The following SH2D4A variants were observed in gnomAD, a reference collection of about 807,000 sequenced individuals.
SH2D4A encodes SH2 domain-containing protein 4A.
A neutral mutation model predicts 64.7 loss-of-function variants in SH2D4A; 70 were observed. The ratio of observed to expected loss-of-function variants is 1.08; its 90% confidence interval spans 0.89 to 1.32. The LOEUF is 1.32. Ranked by LOEUF, SH2D4A falls within the 40% of genes most tolerant of loss-of-function variation. The pLI, the probability that SH2D4A is intolerant of heterozygous loss-of-function variation, is 0.00. For synonymous variants in SH2D4A, 268 were observed against 200.7 expected (o/e 1.34, Z -2.83); for missense variants, 706 against 540.1 (o/e 1.31, Z -3.04).
intron 7 of SH2D4A, among the ~76,000 whole-genome samples, chr8:19,365,824 CTG>C (rs1057429944): frequency 6.6e-6 from 1 of 152,114 alleles, no homozygotes; most frequent in Non-Finnish European, 1.5e-5. Context: ...CCTACAGTGT[CTG>C]TGGAGTTTTG....
At chr8:19,333,136 CAG>C (rs1344401441) in intron 3 of SH2D4A, 22 bp downstream of exon 3, 3 of 1,597,886 alleles carry the variant, frequency 1.9e-6, no homozygotes, top group Non-Finnish European at 2.6e-6. Flanking sequence ...GCAAACCAAC[CAG>C]AGACTTAAAG....
chr8:19,341,898 A>C (rs1298309932), intron 4 of SH2D4A, among the ~76,000 whole-genome samples: 1 of 152,128 alleles, frequency 6.6e-6, no homozygotes, highest in Admixed American at 6.6e-5. Flanking sequence ...TTTCTAAAAA[A>C]ATACTCCAGA....
At chr8:19,365,653 A>C (rs932144629) in intron 7 of SH2D4A, among the ~76,000 whole-genome samples, 1 of 152,154 alleles carries the variant, frequency 6.6e-6, no homozygotes, top group Non-Finnish European at 1.5e-5. Context: ...AAAAAAGGGC[A>C]ATTCCTATTT....
chr8:19,376,583 T>C (rs1563208627), intron 8 of SH2D4A, among the ~76,000 whole-genome samples: 3 of 152,024 alleles, frequency 2.0e-5, no homozygotes, highest in Admixed American at 1.3e-4. Flanking sequence ...GATTGTGCCA[T>C]TGCACTCCAG....
At chr8:19,379,700 T>C (rs1036194888) in intron 8 of SH2D4A, among the ~76,000 whole-genome samples, 1 of 152,170 alleles carries the variant, frequency 6.6e-6, no homozygotes, top group Non-Finnish European at 1.5e-5. Context: ...AATTTCAGCT[T>C]CTCCACATCC....
At chr8:19,347,472 A>G (rs1226206401) in intron 4 of SH2D4A, among the ~76,000 whole-genome samples, 1 of 152,178 alleles carries the variant, frequency 6.6e-6, no homozygotes, top group Non-Finnish European at 1.5e-5. Flanking sequence ...GTCCCCACTC[A>G]GAGTTGTTCT....
intron 6 of SH2D4A, among the ~76,000 whole-genome samples, chr8:19,362,743 A>T (rs749430508): frequency 9.9e-5 from 15 of 152,160 alleles, no homozygotes; most frequent in Non-Finnish European, 1.8e-4. Flanking sequence ...GAGTCTCAAA[A>T]ACAAAACAAA....
chr8:19,328,822 G>A (rs1030613603), intron 2 of SH2D4A, among the ~76,000 whole-genome samples: 1 of 152,214 alleles, frequency 6.6e-6, no homozygotes, highest in African/African-American at 2.4e-5. Flanking sequence ...TCTTACCTCT[G>A]TTTACTATAG....
At chr8:19,377,622 C>A (rs1457471925) in intron 8 of SH2D4A, among the ~76,000 whole-genome samples, 1 of 152,124 alleles carries the variant, frequency 6.6e-6, no homozygotes, top group East Asian at 1.9e-4. Context: ...CTTGCTTATA[C>A]ACATAGACAG....
intron 2 of SH2D4A, among the ~76,000 whole-genome samples, chr8:19,321,426 C>T (rs2052189022): frequency 6.6e-6 from 1 of 152,164 alleles, no homozygotes; most frequent in Non-Finnish European, 1.5e-5. Flanking sequence ...GTTGGCCAGG[C>T]TGGTCTTGAA....
chr8:19,394,612 G>A lies in SH2D4A; in HGVS notation c.1335G>A (p.Gln445=), dbSNP rs1041881498. 6.2e-7 allele frequency: 1 copy of A among 1,610,980 alleles called. No homozygotes were observed. The highest frequency in any genetic ancestry group is 8.5e-7 in the Non-Finnish European group (1 of 1,178,180). ...LLLYPCGQQD[Q]LPDYLELFE ...TCTATCCCTGTGGTCAGCAGGACCA[G>A]CTGCCTGACTACCTGGAGCTGTTTG... The change falls in exon 10 of 10, where the codon CAG becomes CAA. Residue 445 remains glutamine (Q), a synonymous_variant. Coordinates refer to ENST00000265807, the MANE Select transcript of SH2D4A (RefSeq NM_022071.4).
chr8:19,364,431 T>C lies in SH2D4A; in HGVS notation c.917+149T>C, dbSNP rs1012494023. On this transcript the variant is annotated intron_variant, in intron 7 of 9. Transcript: ENST00000265807. ...AGTAGCTCAGGTTCATGTCTAAGCC[T>C]TCTTCCTGGGTGATCTGGGCGGGCA... 7 of 833,724 alleles carry C rather than the reference T, an allele frequency of 8.4e-6. No individual in the cohort carries two copies. The Admixed American group carries it at 1.3e-4, about 16-fold the overall frequency. The allele number at this position is 833,724 out of a possible 1,614,324, so 51.6% of individuals were successfully genotyped here.
chr8:19,368,899 T>C (rs797017559), intron 7 of SH2D4A, among the ~76,000 whole-genome samples: 4 of 152,282 alleles, frequency 2.6e-5, no homozygotes, highest in African/African-American at 9.6e-5. Context: ...GTGGACATTC[T>C]TGTTTTGTTC....
At chr8:19,375,207 A>G (rs1303820409) in intron 8 of SH2D4A, 21 of 151,918 alleles carry the variant, frequency 1.4e-4, no homozygotes, top group Admixed American at 1.4e-3. Context: ...GCAAAATAAA[A>G]CTGTATAATT....
Position 19,364,158 on chromosome 8 carries a change from C to G in SH2D4A, c.793C>G (p.Gln265Glu). The G allele has an allele frequency of 6.2e-7, 1 of 1,614,056 alleles. No homozygotes were observed. The highest frequency in any genetic ancestry group is 1.3e-5 in the African/African-American group (1 of 75,040). ...EDYKRLSLGAQKGRGGERLQS... is the reference protein window; with the variant it reads ...EDYKRLSLGAEKGRGGERLQS... Reference sequence around the variant, plus strand: ...CTACAAGAGGTTATCCCTCGGGGCCCAGAAAGGAAGAGGCGGTGAGAGGCT... The same window carrying G: ...CTACAAGAGGTTATCCCTCGGGGCCGAGAAAGGAAGAGGCGGTGAGAGGCT... The change falls in exon 7 of 10, where the codon CAG becomes GAG. Residue 265 changes from glutamine (Q) to glutamate (E), a missense_variant. Gln to Glu is a conservative substitution (Grantham distance 29). Coordinates refer to ENST00000265807, the MANE Select transcript of SH2D4A (RefSeq NM_022071.4).
chr8:19,384,214 A>C (rs1053676363), intron 8 of SH2D4A, among the ~76,000 whole-genome samples: 3 of 152,186 alleles, frequency 2.0e-5, no homozygotes, highest in African/African-American at 7.2e-5. Flanking sequence ...AGTAATTTGG[A>C]AGGACAGAGG....
chr8:19,362,465 C>T (rs1258035834), intron 6 of SH2D4A, among the ~76,000 whole-genome samples: 2 of 152,194 alleles, frequency 1.3e-5, no homozygotes, highest in East Asian at 3.9e-4. Flanking sequence ...TTAGGCCAGG[C>T]ACTGTGTCTC....
intron 8 of SH2D4A, among the ~76,000 whole-genome samples, chr8:19,379,263 T>C (rs1210843929): frequency 6.6e-6 from 1 of 152,320 alleles, no homozygotes; most frequent in East Asian, 1.9e-4. Flanking sequence ...AGTAGAACTG[T>C]ACAGTATTTG....
At chr8:19,394,133 AT>A (rs1439295916) in intron 9 of SH2D4A, among the ~76,000 whole-genome samples, 6 of 152,158 alleles carry the variant, frequency 3.9e-5, no homozygotes, top group African/African-American at 1.4e-4. Flanking sequence ...ACAGTTCACA[AT>A]AAGGTTTGTG....
Sources: gnomAD v4.1 joint callset for allele counts (sites outside exome capture counted in the v4.1 genomes callset) on GRCh38, gnomAD v4.1.1 for gene constraint, MANE v1.5 for transcripts, NCBI Gene and HGNC (gene_info 2026-07-23, HGNC 2026-07-21) for gene names.